LYZL4: variants seen among roughly 807,000 people sequenced by gnomAD.
LYZL4 encodes the protein lysozyme-like protein 4.
In LYZL4, 13 loss-of-function variants were observed where a neutral mutation model predicts 17.6. The observed-to-expected ratio is 0.74, with a 90% CI of 0.48 to 1.18. The LOEUF is 1.18. Among genes scored for constraint, LYZL4 ranks in the 50% most tolerant of loss-of-function variants. LYZL4 has a pLI of 0.00. For synonymous variants in LYZL4, 64 were observed against 67.7 expected (o/e 0.95, Z 0.27); for missense variants, 174 against 188.2 (o/e 0.92, Z 0.44).
chr3:42,382,689 G>A, the LYZL4 span, among the ~76,000 whole-genome samples: 1 of 151,952 alleles, frequency 6.6e-6, no homozygotes, highest in African/African-American at 2.4e-5. Flanking sequence ...CTAGAGCCCA[G>A]ATCCACTGAA....
the LYZL4 span, among the ~76,000 whole-genome samples, chr3:42,371,698 C>T: frequency 6.6e-6 from 1 of 152,170 alleles, no homozygotes; most frequent in Non-Finnish European, 1.5e-5. Flanking sequence ...CCACAATGGC[C>T]TATGCTTGCA....
chr3:42,381,118 C>A, the LYZL4 span, among the ~76,000 whole-genome samples: 4 of 152,214 alleles, frequency 2.6e-5, no homozygotes, highest in Non-Finnish European at 5.9e-5. Flanking sequence ...AGGTCACCTG[C>A]AGACATGGGA....
At chr3:42,368,345 C>A in the LYZL4 span, among the ~76,000 whole-genome samples, 1 of 152,068 alleles carries the variant, frequency 6.6e-6, no homozygotes, top group East Asian at 1.9e-4. Flanking sequence ...GCGAGGATGT[C>A]GAGGGGTGTC....
the LYZL4 span, among the ~76,000 whole-genome samples, chr3:42,367,987 T>C: frequency 6.6e-6 from 1 of 152,138 alleles, no homozygotes; most frequent in South Asian, 2.1e-4. Context: ...CTCACAAGAA[T>C]CCTAAGAGGC....
the LYZL4 span, among the ~76,000 whole-genome samples, chr3:42,370,210 C>T: frequency 6.6e-6 from 1 of 152,140 alleles, no homozygotes; most frequent in East Asian, 1.9e-4. Flanking sequence ...ACTGCAATCC[C>T]ACTGGCAACA....
At chr3:42,369,420 G>T in the LYZL4 span, among the ~76,000 whole-genome samples, 1 of 152,336 alleles carries the variant, frequency 6.6e-6, no homozygotes, top group East Asian at 1.9e-4. Flanking sequence ...TGCTTTAGCT[G>T]CCTCTGGAAC....
downstream of LYZL4, among the ~76,000 whole-genome samples, chr3:42,392,396 G>A (rs537205859): frequency 1.3e-5 from 2 of 152,326 alleles, no homozygotes; most frequent in South Asian, 4.2e-4. Context: ...GGAGGTGTGG[G>A]AGAGTTAAAG....
chr3:42,385,271 T>A, the LYZL4 span, among the ~76,000 whole-genome samples: 1 of 152,184 alleles, frequency 6.6e-6, no homozygotes, highest in Non-Finnish European at 1.5e-5. Context: ...CAAGTGGTGG[T>A]CCCATACAAA....
chr3:42,395,842 C>T (rs983703701), downstream of LYZL4, among the ~76,000 whole-genome samples: 3 of 152,120 alleles, frequency 2.0e-5, no homozygotes, highest in South Asian at 2.1e-4. Context: ...GGGTGGATCA[C>T]TTGAGGTCAG....
At chr3:42,400,560 C>T (rs1406076769) in intron 4 of LYZL4, among the ~76,000 whole-genome samples, 1 of 152,166 alleles carries the variant, frequency 6.6e-6, no homozygotes, top group Non-Finnish European at 1.5e-5. Context: ...TATAGGATTT[C>T]CTCTATTGTA....
the LYZL4 span, among the ~76,000 whole-genome samples, chr3:42,386,928 TG>T: frequency 6.6e-6 from 1 of 152,192 alleles, no homozygotes; most frequent in African/African-American, 2.4e-5. Flanking sequence ...GATAAGTATG[TG>T]GGGGTTCACT....
downstream of LYZL4, among the ~76,000 whole-genome samples, chr3:42,396,054 C>G (rs1698546589): frequency 6.8e-6 from 1 of 146,812 alleles, no homozygotes; most frequent in Admixed American, 6.6e-5. Flanking sequence ...CAGAGCAAGA[C>G]TCTGTCTCAA....
At chr3:42,366,034 G>A in the LYZL4 span, among the ~76,000 whole-genome samples, 1 of 152,100 alleles carries the variant, frequency 6.6e-6, no homozygotes. Flanking sequence ...TGGAGAGGCT[G>A]CTCTGTTCCA....
chr3:42,388,153 AG>A, the LYZL4 span, among the ~76,000 whole-genome samples: 2 of 152,312 alleles, frequency 1.3e-5, no homozygotes, highest in Admixed American at 1.3e-4. Flanking sequence ...AAAAAACAAA[AG>A]GGGAGTCATA....
the LYZL4 span, among the ~76,000 whole-genome samples, chr3:42,373,137 G>A: frequency 6.6e-6 from 1 of 152,304 alleles, no homozygotes; most frequent in Non-Finnish European, 1.5e-5. Flanking sequence ...CTTGAACCCT[G>A]GAGGCAGAGG....
At chr3:42,373,450 T>C in the LYZL4 span, among the ~76,000 whole-genome samples, 1 of 152,156 alleles carries the variant, frequency 6.6e-6, no homozygotes, top group African/African-American at 2.4e-5. Context: ...AATTTCTTAC[T>C]CTTTCCAAAA....
chr3:42,362,882 G>T, the LYZL4 span, among the ~76,000 whole-genome samples: 1 of 152,194 alleles, frequency 6.6e-6, no homozygotes, highest in Non-Finnish European at 1.5e-5. Flanking sequence ...ACTCAACTAA[G>T]TGATTCAACC....
At chr3:42,360,870 T>C in the LYZL4 span, among the ~76,000 whole-genome samples, 1 of 152,188 alleles carries the variant, frequency 6.6e-6, no homozygotes, top group Non-Finnish European at 1.5e-5. Context: ...TTTCTCGTCA[T>C]ATCTGTGTTA....
At position 42,406,889 on chromosome 3, in the gene LYZL4, C is replaced by T; in HGVS notation, c.249G>A (p.Trp83Ter). ...AGCGGTTCCTGCCATGGTCGCCACA[C>T]CAGTCACTGCCACGCATCTGAAAGA... Reference protein sequence around the residue: ...FGLFQMRGSDWCGDHGRNRCH... With the variant: ...FGLFQMRGSD The change falls in exon 3 of 5, where the codon TGG becomes TGA. Residue 83 changes from tryptophan (W) to a stop codon, truncating the protein, a stop_gained. Coordinates refer to ENST00000287748, the MANE Select transcript of LYZL4 (RefSeq NM_144634.4). LOFTEE classifies it high-confidence loss of function. 1 of 1,614,254 alleles carries T rather than the reference C, an allele frequency of 6.2e-7. No homozygotes were observed. Among genetic ancestry groups the T allele is most frequent in the Non-Finnish European group, 8.5e-7 (1 of 1,180,050 alleles).
Sources: allele counts gnomAD v4.1 joint callset (sites outside exome capture counted in the v4.1 genomes callset), GRCh38; gene constraint gnomAD v4.1.1; transcripts MANE v1.5; gene names NCBI Gene and HGNC (gene_info 2026-07-23, HGNC 2026-07-21).